The following DHX37 variants were observed in gnomAD, a reference collection of about 807,000 sequenced individuals.
DHX37 encodes the protein DEAH-box helicase 37, also known as probable ATP-dependent RNA helicase DHX37.
DHX37 carries 52 observed loss-of-function variants against 134.3 expected under a neutral mutation model. That is an observed-to-expected ratio of 0.39 (90% CI 0.31 to 0.49). The LOEUF (loss-of-function observed/expected upper bound fraction) is 0.49, where lower values mean the gene tolerates loss of function less well. DHX37 is among the 20% of genes least tolerant of loss of function. DHX37 has a pLI of 0.93. For missense variants in DHX37, 1,344 were observed against 1,580.8 expected (o/e 0.85, Z 2.54); for synonymous variants, 634 against 670.7 (o/e 0.95, Z 0.85).
At chr12:124,985,893 T>C (rs1020434317) in intron 2 of DHX37, among the ~76,000 whole-genome samples, 3 of 151,560 alleles carry the variant, frequency 2.0e-5, no homozygotes, top group African/African-American at 7.3e-5. Context: ...TTCAGTTCAG[T>C]TCCTCTGCCA....
At chr12:124,968,811 C>A in intron 9 of DHX37, 56 bp downstream of exon 9, 1 of 1,608,496 alleles carries the variant, frequency 6.2e-7, no homozygotes, top group Non-Finnish European at 8.5e-7. Flanking sequence ...GGGCTCCCGA[C>A]ACCAGGGCGT....
rs1954408011 is a variant in DHX37, at chr12:124,967,222, T to C, written c.1409-4A>G. 1 of 1,613,328 alleles carries C rather than the reference T, an allele frequency of 6.2e-7. No individual in the cohort carries two copies. Among genetic ancestry groups the C allele is most frequent in the East Asian group, 2.2e-5 (1 of 44,866 alleles). ...GTCAGGAACACCAGGATGCCACCTG[T>C]GGAAAGAATGGGCCCCTCTGTTATC... On this transcript the variant is annotated splice_region_variant and splice_polypyrimidine_tract_variant and intron_variant, in intron 10 of 26. Coordinates refer to ENST00000308736, the MANE Select transcript of DHX37 (RefSeq NM_032656.4).
chr12:124,964,152 G>C (rs547228103), intron 15 of DHX37, among the ~76,000 whole-genome samples: 1 of 134,062 alleles, frequency 7.5e-6, no homozygotes, highest in Non-Finnish European at 1.5e-5. Context: ...TCGAGATCAC[G>C]CCATTGCATT....
At chr12:124,955,327 G>C (rs1157910722) in intron 18 of DHX37, among the ~76,000 whole-genome samples, 1 of 152,220 alleles carries the variant, frequency 6.6e-6, no homozygotes, top group Admixed American at 6.5e-5. Flanking sequence ...CGTGAGCTGG[G>C]TCTTCCCTGC....
intron 21 of DHX37, 57 bp downstream of exon 21, chr12:124,952,341 C>T (rs1021729863): frequency 1.3e-6 from 2 of 1,515,756 alleles, no homozygotes; most frequent in Admixed American, 2.0e-5. Context: ...GCCCAGCCCG[C>T]CTGCCCCTCA....
Position 124,980,655 on chromosome 12 carries a change from A to C in DHX37, c.573T>G (p.Gly191=), listed in dbSNP as rs150112271. 7 of 1,601,348 alleles carry C rather than the reference A, an allele frequency of 4.4e-6. No homozygotes were observed. The highest frequency in any genetic ancestry group is 4.5e-5 in the East Asian group (2 of 44,472). The change falls in exon 4 of 27, where the codon GGT becomes GGG. Residue 191 remains glycine, a synonymous_variant. Coordinates refer to ENST00000308736, the MANE Select transcript of DHX37 (RefSeq NM_032656.4). The surrounding 1 kb of genome is among the most constrained non-coding windows in gnomAD (Gnocchi z 5.3). ...GCAGAGGTGCCACGGTGGTCCCCAC[A>C]CCAGCCTCAGCCGGCTCAGCAGCTG... is the stretch of plus-strand genomic sequence containing the variant. The part of the protein sequence containing the change: ...EDPAAEPAEA[G]VGTTVAPLPP...
At chr12:124,964,266 G>T in intron 15 of DHX37, 128 bp downstream of exon 15, 1 of 1,418,978 alleles carries the variant, frequency 7.0e-7, no homozygotes, top group Non-Finnish European at 9.4e-7. Flanking sequence ...GCACCCCAAA[G>T]TCACAGGGGC....
Position 124,949,358 on chromosome 12 carries a change from G to C in DHX37, c.3290+628C>G, listed in dbSNP as rs902245403. Among the ~76,000 whole-genome samples the C allele has an allele frequency of 6.6e-6, 1 of 152,206 alleles. No homozygotes were observed. Among genetic ancestry groups the C allele is most frequent in the African/African-American group, 2.4e-5 (1 of 41,448 alleles). ...CATAGGCCCCACCAGCCCCAGGAAG[G>C]GGGAGGTGTCTGTGGGTCTGGACCA... On this transcript the variant is annotated intron_variant, in intron 25 of 26. Transcript: ENST00000308736. The surrounding 1 kb of genome is among the most constrained non-coding windows in gnomAD (Gnocchi z 4.0).
Position 124,953,861 on chromosome 12 carries a change from T to A in DHX37, c.2695+19A>T. 6.2e-7 allele frequency: 1 copy of A among 1,606,940 alleles called. No individual in the cohort carries two copies. The highest frequency in any genetic ancestry group is 8.5e-7 in the Non-Finnish European group (1 of 1,176,746). On this transcript the variant is annotated intron_variant, in intron 20 of 26. Coordinates refer to ENST00000308736, the MANE Select transcript of DHX37 (RefSeq NM_032656.4). ...AGGTTGCCCGCCGGGTGCAGCGGCGTGCCGGCACGGGGCCGTACCTGCGGT... is the reference window on the plus strand; with the variant it reads ...AGGTTGCCCGCCGGGTGCAGCGGCGAGCCGGCACGGGGCCGTACCTGCGGT...
intron 12 of DHX37, among the ~76,000 whole-genome samples, chr12:124,966,351 G>C (rs895809471): frequency 6.6e-6 from 1 of 151,604 alleles, no homozygotes; most frequent in Admixed American, 6.6e-5. Flanking sequence ...TACAGGCGTA[G>C]CCACCACGCC....
At chr12:124,962,181 C>G (rs1954279581) in intron 15 of DHX37, among the ~76,000 whole-genome samples, 1 of 152,034 alleles carries the variant, frequency 6.6e-6, no homozygotes, top group Non-Finnish European at 1.5e-5. Flanking sequence ...GAACTCCAGC[C>G]TGAGCAACAG....
In DHX37 at chr12:124,986,096, C is replaced by T; in HGVS notation, c.276G>A (p.Gln92=). Residue 92 remains glutamine, a splice_region_variant and synonymous_variant, in exon 2 of 27, where the codon CAG becomes CAA. Coordinates refer to ENST00000308736, the MANE Select transcript of DHX37 (RefSeq NM_032656.4). ...KILEQKEKKS[Q]RAEMLQKLSE... ...CAGACCCTGCCCGAGTGGGGTGTAC[C>T]TGGCTCTTTTTCTCCTTCTGTTCTA... 6.2e-7 allele frequency: 1 copy of T among 1,613,770 alleles called. No homozygotes were observed. Among genetic ancestry groups the T allele is most frequent in the Non-Finnish European group, 8.5e-7 (1 of 1,179,992 alleles).
chr12:124,960,411 A>G lies in DHX37; in HGVS notation c.2058T>C (p.Ser686=). ...EPGHCYRLYS[S]AVFGDFEQFP... ...ACTGCTCGAAGTCACCAAAAACCGC[A>G]GATGAATACAGCCTGGATGGAGAGA... Residue 686 remains serine, a synonymous_variant, in exon 16 of 27, where the codon TCT becomes TCC. Coordinates refer to ENST00000308736, the MANE Select transcript of DHX37 (RefSeq NM_032656.4). The G allele has an allele frequency of 6.2e-7, 1 of 1,608,912 alleles. No individual in the cohort carries two copies. Among genetic ancestry groups the G allele is most frequent in the Middle Eastern group, 1.7e-4 (1 of 6,052 alleles).
At chr12:124,985,457 C>G (rs1236269705) in intron 2 of DHX37, among the ~76,000 whole-genome samples, 6 of 151,888 alleles carry the variant, frequency 4.0e-5, no homozygotes, top group Admixed American at 3.9e-4. Context: ...TTAAGGTTGG[C>G]TGGGCATGGT....
intron 5 of DHX37, among the ~76,000 whole-genome samples, chr12:124,975,879 A>T (rs1954628847): frequency 6.6e-6 from 1 of 152,154 alleles, no homozygotes; most frequent in Non-Finnish European, 1.5e-5. Context: ...ACAGACCTGC[A>T]GCTGCTCTCC....
chr12:124,961,230 A>ACGCACGCACACACATACACG (rs1566332246), intron 15 of DHX37, among the ~76,000 whole-genome samples: 1 of 111,730 alleles, frequency 9.0e-6, no homozygotes, highest in Non-Finnish European at 1.7e-5. Context: ...ACACGCACGC[A>ACGCACGCACACACATACACG]CACACACATA....
intron 15 of DHX37, among the ~76,000 whole-genome samples, chr12:124,961,184 G>A (rs1435292054): frequency 2.4e-5 from 2 of 84,894 alleles, no homozygotes; most frequent in South Asian, 3.2e-4. Flanking sequence ...GCGCATGCGC[G>A]CACGCACACA....
At position 124,950,036 on chromosome 12, in the gene DHX37, G is replaced by A; in HGVS notation, c.3240C>T (p.Tyr1080=). 6.2e-7 allele frequency: 1 copy of A among 1,613,510 alleles called. No individual in the cohort carries two copies. Among genetic ancestry groups the A allele is most frequent in the Non-Finnish European group, 8.5e-7 (1 of 1,179,790 alleles). The change falls in exon 25 of 27, where the codon TAC becomes TAT. Residue 1080 remains tyrosine (Y), a synonymous_variant. Coordinates refer to ENST00000308736, the MANE Select transcript of DHX37 (RefSeq NM_032656.4). The part of the protein sequence containing the change: ...EGQVFRKLAS[Y]RSCLLSSPGT... ...CGGGGCTGGACAGCAGACAGCTCCG[G>A]TATGAGGCCAGCTTGCGGAAGACCT...
At chr12:124,950,309 C>T in intron 23 of DHX37, 66 bp from the exon 24 acceptor site, 1 of 1,607,392 alleles carries the variant, frequency 6.2e-7, no homozygotes, top group South Asian at 1.1e-5. Flanking sequence ...CCATCCCTGC[C>T]CCACCCGAGA....
Sources: gnomAD v4.1 joint callset for allele counts (sites outside exome capture counted in the v4.1 genomes callset) on GRCh38, gnomAD v4.1.1 for gene constraint, Gnocchi (gnomAD v3.1) non-coding constraint, MANE v1.5 for transcripts, NCBI Gene and HGNC (gene_info 2026-07-23, HGNC 2026-07-21) for gene names.